The following IQSEC1 variants were observed in gnomAD, a reference collection of about 807,000 sequenced individuals.
The protein encoded by IQSEC1 is IQ motif and SEC7 domain-containing protein 1.
A neutral mutation model predicts 91.0 loss-of-function variants in IQSEC1; 31 were observed. The ratio of observed to expected loss-of-function variants is 0.34; its 90% CI spans 0.26 to 0.46. The LOEUF (loss-of-function observed/expected upper bound fraction) is 0.46, where lower values mean the gene tolerates loss of function less well. IQSEC1 is among the 20% of genes least tolerant of loss of function. The pLI, the probability that IQSEC1 is intolerant of heterozygous loss-of-function variation, is 1.00. For synonymous variants in IQSEC1, 699 were observed against 662.6 expected (o/e 1.05, Z -0.84); for missense variants, 1,388 against 1,575.6 (o/e 0.88, Z 2.02).
intron 2 of IQSEC1, among the ~76,000 whole-genome samples, chr3:13,082,789 C>T (rs113771484): frequency 4.6e-5 from 7 of 152,208 alleles, no homozygotes; most frequent in African/African-American, 1.7e-4. Context: ...CTCCCCCTGC[C>T]CCTCCTGACC....
intron 1 of IQSEC1, among the ~76,000 whole-genome samples, chr3:13,026,423 G>A (rs1703615338): frequency 6.6e-6 from 1 of 152,156 alleles, no homozygotes; most frequent in Non-Finnish European, 1.5e-5. Context: ...AAACTCAGAC[G>A]ACACCTCCTC....
intron 1 of IQSEC1, among the ~76,000 whole-genome samples, chr3:13,038,258 G>GTATATATATATATA (rs1354129185): frequency 1.6e-4 from 8 of 51,368 alleles, no homozygotes; most frequent in Non-Finnish European, 2.9e-4. Flanking sequence ...ATGTGTGTGT[G>GTATATATATATATA]TGTGTATATA....
intron 1 of IQSEC1, among the ~76,000 whole-genome samples, chr3:13,190,545 G>A (rs1465451262): frequency 4.2e-5 from 4 of 95,216 alleles, no homozygotes; most frequent in African/African-American, 1.6e-4. Context: ...GACAGAGCAA[G>A]ACCCTGTCTC....
intron 1 of IQSEC1, among the ~76,000 whole-genome samples, chr3:13,254,795 C>A (rs1324245978): frequency 1.3e-5 from 2 of 152,228 alleles, no homozygotes; most frequent in African/African-American, 4.8e-5. Flanking sequence ...GCTTAGAATC[C>A]TGGACGGCCC....
chr3:12,911,728 C>T lies in IQSEC1; in HGVS notation c.2317G>A (p.Val773Ile). ...TTCTTCTTCTGGAAGATCTTGGTGA[C>T]CTAGAGGCAGCCAGAGACAGAGCTG... ...EIFLFNDLLVVTKIFQKKKNS... is the reference protein window; with the variant it reads ...EIFLFNDLLVITKIFQKKKNS... Residue 773 changes from valine (V) to isoleucine (I), a missense_variant and splice_region_variant, in exon 10 of 14, where the codon GTC becomes ATC. Coordinates refer to ENST00000613206, the MANE Select transcript of IQSEC1 (RefSeq NM_001134382.3). The T allele has an allele frequency of 6.2e-7, 1 of 1,609,020 alleles. No individual in the cohort carries two copies. The highest frequency in any genetic ancestry group is 1.1e-5 in the South Asian group (1 of 90,998).
intron 1 of IQSEC1, among the ~76,000 whole-genome samples, chr3:12,996,395 A>C (rs1487148919): frequency 1.3e-5 from 2 of 152,208 alleles, no homozygotes; most frequent in African/African-American, 4.8e-5. Flanking sequence ...TCATCCTTAA[A>C]ATGGAACTGA....
upstream of IQSEC1, among the ~76,000 whole-genome samples, chr3:13,074,905 C>T (rs140354576): frequency 1.1e-4 from 16 of 152,326 alleles, no homozygotes; most frequent in East Asian, 2.5e-3. Context: ...TAAAGTTGCA[C>T]AGCAAAGAGT....
intron 1 of IQSEC1, among the ~76,000 whole-genome samples, chr3:13,062,971 G>A (rs146320230): frequency 7.0e-4 from 107 of 152,332 alleles, no homozygotes; most frequent in Middle Eastern, 3.4e-3. Context: ...TTCGGAGGTC[G>A]GGCCAGTGTG....
At chr3:13,044,498 G>T (rs1381725560) in intron 1 of IQSEC1, among the ~76,000 whole-genome samples, 1 of 152,342 alleles carries the variant, frequency 6.6e-6, no homozygotes, top group East Asian at 1.9e-4. Flanking sequence ...CAGTCGGGGA[G>T]TGCGAGGCCA....
rs920021904 is a variant in IQSEC1, at chr3:12,970,113, C to G, written c.24-28248G>C. ...GTAAAGAGTGGCTTAGCAGCCACCT[C>G]TACCCCAGCTAATTCACCTTGCTGT... On this transcript the variant is annotated intron_variant, in intron 1 of 13. Transcript: ENST00000613206. This position sits in a 1 kb window ranked among gnomAD's most constrained non-coding sequence, Gnocchi z 4.4. Among the ~76,000 whole-genome samples the G allele has an allele frequency of 5.9e-5, 9 of 152,248 alleles. No homozygotes were observed. Among genetic ancestry groups the G allele is most frequent in the Non-Finnish European group, 1.0e-4 (7 of 68,054 alleles).
intron 2 of IQSEC1, among the ~76,000 whole-genome samples, chr3:13,095,991 C>G (rs1280761770): frequency 1.3e-5 from 2 of 152,198 alleles, no homozygotes; most frequent in African/African-American, 4.8e-5. Context: ...CTGAGTCGTC[C>G]AAGCTCCATG....
At chr3:13,145,635 G>A (rs2004911) in intron 2 of IQSEC1, among the ~76,000 whole-genome samples, 2 of 152,162 alleles carry the variant, frequency 1.3e-5, no homozygotes, top group African/African-American at 4.8e-5. Flanking sequence ...GCTTCCACAC[G>A]AAGAAGGCGG....
chr3:13,197,404 C>T (rs1223399858), intron 1 of IQSEC1, among the ~76,000 whole-genome samples: 1 of 152,188 alleles, frequency 6.6e-6, no homozygotes, highest in African/African-American at 2.4e-5. Context: ...AGTTCCCAGC[C>T]TGGCAGACAG....
At chr3:13,058,749 T>C (rs6765254) in intron 1 of IQSEC1, among the ~76,000 whole-genome samples, 43,502 of 152,126 alleles carry the variant, frequency 0.29, 6,447 homozygotes, top group Middle Eastern at 0.4. Context: ...GAAAGCTCGG[T>C]CTGAGTGTGG....
In IQSEC1 at chr3:12,909,879, G is replaced by A. The variant is rs1396486246; in HGVS notation, c.2417-445C>T. ...CAGACCTGCCTGGTGCCACCTCCGGGCTCTCAGGGTCCCTGGGGCTTTGGT... is the reference window on the plus strand; with the variant it reads ...CAGACCTGCCTGGTGCCACCTCCGGACTCTCAGGGTCCCTGGGGCTTTGGT... On this transcript the variant is annotated intron_variant, in intron 10 of 13. Coordinates refer to ENST00000613206, the MANE Select transcript of IQSEC1 (RefSeq NM_001134382.3). This position sits in a 1 kb window ranked among gnomAD's most constrained non-coding sequence, Gnocchi z 4.9. Among the ~76,000 whole-genome samples the A allele has an allele frequency of 6.6e-6, 1 of 152,230 alleles. No individual in the cohort carries two copies. Among genetic ancestry groups the A allele is most frequent in the East Asian group, 1.9e-4 (1 of 5,186 alleles).
At chr3:13,218,072 C>T (rs547763491) in intron 1 of IQSEC1, among the ~76,000 whole-genome samples, 12 of 152,362 alleles carry the variant, frequency 7.9e-5, no homozygotes, top group Non-Finnish European at 1.3e-4. Flanking sequence ...CCGAGGCCCC[C>T]TGGCAGCTCC....
chr3:13,144,222 C>T (rs1027312228), intron 2 of IQSEC1, among the ~76,000 whole-genome samples: 3 of 152,206 alleles, frequency 2.0e-5, no homozygotes, highest in African/African-American at 7.2e-5. Flanking sequence ...AACAGAGGCT[C>T]AGGACATGGA....
At chr3:13,244,134 G>A (rs1340070955) in intron 1 of IQSEC1, among the ~76,000 whole-genome samples, 4 of 152,290 alleles carry the variant, frequency 2.6e-5, no homozygotes, top group East Asian at 3.9e-4. Flanking sequence ...TGACTCCAGC[G>A]CATGCTGTTG....
At chr3:13,062,061 C>A (rs1295859741) in intron 1 of IQSEC1, among the ~76,000 whole-genome samples, 1 of 152,186 alleles carries the variant, frequency 6.6e-6, no homozygotes, top group Non-Finnish European at 1.5e-5. Context: ...GCCACAGGAG[C>A]ATTGGAGCCC....
Sources: gnomAD v4.1 joint callset for allele counts (sites outside exome capture counted in the v4.1 genomes callset) on GRCh38, gnomAD v4.1.1 for gene constraint, Gnocchi (gnomAD v3.1) non-coding constraint, MANE v1.5 for transcripts, NCBI Gene and HGNC (gene_info 2026-07-23, HGNC 2026-07-21) for gene names.